Variants in SKA2 observed in about 807,000 individuals in gnomAD.
The protein encoded by SKA2 is spindle and kinetochore associated complex subunit 2.
Under a neutral mutation model 16.9 loss-of-function variants are expected in SKA2, and 13 were observed. That is an observed-to-expected ratio of 0.77 (90% CI 0.50 to 1.22). SKA2 has a LOEUF of 1.22. Among genes scored for constraint, SKA2 ranks in the 50% most tolerant of loss-of-function variants. The probability of loss-of-function intolerance (pLI) is 0.00; values close to 1 mark genes in which losing one functional copy is unlikely to be tolerated. For missense variants in SKA2, 107 were observed against 139.7 expected (o/e 0.77, Z 1.18); for synonymous variants, 47 against 48.5 (o/e 0.97, Z 0.13).
intron 1 of SKA2, among the ~76,000 whole-genome samples, chr17:59,146,911 T>C (rs2046536597): frequency 6.6e-6 from 1 of 152,184 alleles, no homozygotes; most frequent in Admixed American, 6.5e-5. Flanking sequence ...GCTCAAGCAA[T>C]CCTCTGTCTC....
rs1035379979 is a variant in SKA2 at position 59,110,105 on chromosome 17, A to G, written c.*2172T>C. 6 of 152,188 alleles carry G rather than the reference A, an allele frequency of 3.9e-5. No homozygotes were observed. The highest frequency in any genetic ancestry group is 8.8e-5 in the Non-Finnish European group (6 of 68,034). The allele number at this position is 152,188 out of a possible 1,614,324, so 9.4% of individuals were successfully genotyped here. A position where few individuals can be genotyped will look rare whatever the true frequency, so the allele number is the denominator to read the frequency against. ...TTTAACTTGAATATTCAGGTAGGGG[A>G]TTTTATTGGAAATACGGATCTAGAG... On this transcript the variant is annotated 3_prime_UTR_variant, in exon 4 of 4. Transcript: ENST00000330137.
At position 59,129,854 on chromosome 17, in the gene SKA2, A is replaced by G. The variant is rs573769642; in HGVS notation, c.120+1427T>C. ...TGGATAACAGAAGGAAGGGAAAGGA[A>G]GGGAAGGGAGGAAAGGGAGGGAGAA... On this transcript the variant is annotated intron_variant, in intron 2 of 3. Transcript: ENST00000330137. 4.8e-3 allele frequency among the ~76,000 whole-genome samples: 654 copies of G among 137,350 alleles called. 2 individuals are homozygous for G. Among genetic ancestry groups the G allele is most frequent in the Non-Finnish European group, 7.6e-3 (482 of 63,784 alleles). The allele number at this position is 137,350 out of a possible 152,430, so 90.1% of individuals were successfully genotyped here.
At position 59,110,272 on chromosome 17, in the gene SKA2, T is replaced by TA. The variant is rs1183400064; in HGVS notation, c.*2004dup. On this transcript the variant is annotated 3_prime_UTR_variant, in exon 4 of 4. Transcript: ENST00000330137. ...TTTGGAAGATAACTGAAGGAAATCA[T>TA]AGAGGAAAAATAGTACAATCTAATT... is the stretch of plus-strand genomic sequence containing the variant. The TA allele has an allele frequency of 2.0e-5, 3 of 152,196 alleles. No homozygotes were observed. The East Asian group carries it at 5.8e-4, about 29-fold the overall frequency. 9.4% of individuals were successfully genotyped at this position (152,196 alleles called of 1,614,324 possible).
At chr17:59,135,310 CTTTTTTTTTTTT>C (rs71145527) in intron 1 of SKA2, among the ~76,000 whole-genome samples, 53,854 of 126,348 alleles carry the variant, frequency 0.43, 10,981 homozygotes, top group African/African-American at 0.57. Flanking sequence ...ACTAAACTGT[CTTTTTTTTTTTT>C]TTTTTTTTTT....
At chr17:59,147,851 T>G (rs1404460984) in intron 1 of SKA2, among the ~76,000 whole-genome samples, 1 of 151,904 alleles carries the variant, frequency 6.6e-6, no homozygotes, top group Non-Finnish European at 1.5e-5. Flanking sequence ...AAAAAATTTT[T>G]TTTTTATTTG....
Position 59,110,865 on chromosome 17 carries a change from G to C in SKA2, c.*1412C>G, listed in dbSNP as rs1469934212. 1 of 149,820 alleles carries C rather than the reference G, an allele frequency of 6.7e-6. No individual in the cohort carries two copies. Among genetic ancestry groups the C allele is most frequent in the African/African-American group, 2.5e-5 (1 of 40,740 alleles). The allele number at this position is 149,820 out of a possible 1,614,324, so 9.3% of individuals were successfully genotyped here. A position where few individuals can be genotyped will look rare whatever the true frequency, so the allele number is the denominator to read the frequency against. ...AGACAGGACAATTTTAACTGAAGCT[G>C]TTCTCACAACCCTGTTTTTCAGCTA... On this transcript the variant is annotated 3_prime_UTR_variant, in exon 4 of 4. Transcript: ENST00000330137.
At chr17:59,116,373 A>C (rs780024895) in intron 3 of SKA2, among the ~76,000 whole-genome samples, 19 of 151,780 alleles carry the variant, frequency 1.3e-4, no homozygotes, top group African/African-American at 1.7e-4. Context: ...ACTCCGTCTC[A>C]AAAAACAAAC....
chr17:59,147,413 T>C (rs907994977), intron 1 of SKA2, among the ~76,000 whole-genome samples: 119 of 88,486 alleles, frequency 1.3e-3, no homozygotes, highest in African/African-American at 6.5e-3. Context: ...CACACACACA[T>C]TTGGAATAAA....
At chr17:59,124,961 G>A (rs1294182176) in intron 2 of SKA2, among the ~76,000 whole-genome samples, 1 of 150,540 alleles carries the variant, frequency 6.6e-6, no homozygotes, top group African/African-American at 2.4e-5. Context: ...TGGCTGTTGG[G>A]AACCACTACA....
At chr17:59,136,210 G>A (rs1488549183) in intron 1 of SKA2, among the ~76,000 whole-genome samples, 2 of 152,282 alleles carry the variant, frequency 1.3e-5, no homozygotes, top group East Asian at 3.9e-4. Context: ...ACCCAGGCTG[G>A]AGTGCAGTGG....
intron 3 of SKA2, among the ~76,000 whole-genome samples, chr17:59,114,378 T>C (rs2046283270): frequency 6.6e-6 from 1 of 152,168 alleles, no homozygotes; most frequent in African/African-American, 2.4e-5. Context: ...AGACTGTACT[T>C]ACACAAACAG....
At chr17:59,140,636 A>T (rs1183749406) in intron 1 of SKA2, among the ~76,000 whole-genome samples, 3 of 151,052 alleles carry the variant, frequency 2.0e-5, no homozygotes, top group Non-Finnish European at 4.4e-5. Flanking sequence ...TTTGAGATGG[A>T]GTCTTGCTCA....
intron 2 of SKA2, chr17:59,129,352 C>CGCACAT (rs2046393972): frequency 8.9e-6 from 1 of 112,002 alleles, no homozygotes; most frequent in South Asian, 3.4e-4. Context: ...CTATCTTAAA[C>CGCACAT]ACACATACAC....
chr17:59,131,121 T>G (rs2046408925), intron 2 of SKA2, among the ~76,000 whole-genome samples, 160 bp downstream of exon 2: 1 of 152,222 alleles, frequency 6.6e-6, no homozygotes, highest in Non-Finnish European at 1.5e-5. Flanking sequence ...ATTTCTCCAG[T>G]GTGCTATAAC....
In SKA2 at chr17:59,111,125, G is replaced by A. The variant is rs1302938757; in HGVS notation, c.*1152C>T. Reference sequence around the variant, plus strand: ...AAACATCCTGACACTCAAAAGTTAAGTGATCTGCACAGGGTCATAGCTAGA... The same window carrying A: ...AAACATCCTGACACTCAAAAGTTAAATGATCTGCACAGGGTCATAGCTAGA... On this transcript the variant is annotated 3_prime_UTR_variant, in exon 4 of 4. Transcript: ENST00000330137. The A allele has an allele frequency of 6.6e-6, 1 of 152,120 alleles. No individual in the cohort carries two copies. The highest frequency in any genetic ancestry group is 2.4e-5 in the African/African-American group (1 of 41,430). 9.4% of individuals were successfully genotyped at this position (152,120 alleles called of 1,614,324 possible).
At chr17:59,113,067 CTA>C (rs1330350175) in intron 3 of SKA2, among the ~76,000 whole-genome samples, 2 of 151,656 alleles carry the variant, frequency 1.3e-5, no homozygotes, top group Non-Finnish European at 2.9e-5. Flanking sequence ...AATTAGTACA[CTA>C]ATTTTTAGCT....
chr17:59,129,378 C>CACAT (rs1234084571), intron 2 of SKA2: 5 of 153,106 alleles, frequency 3.3e-5, no homozygotes, highest in Non-Finnish European at 5.8e-5. Flanking sequence ...CACACACACA[C>CACAT]ACACACACAC....
intron 3 of SKA2, among the ~76,000 whole-genome samples, chr17:59,113,658 T>C (rs2046277841): frequency 6.6e-6 from 1 of 151,692 alleles, no homozygotes; most frequent in African/African-American, 2.4e-5. Context: ...ACCTCATCTC[T>C]ACTAAAAATA....
intron 1 of SKA2, among the ~76,000 whole-genome samples, chr17:59,146,338 A>C (rs2046532074): frequency 1.3e-5 from 2 of 152,228 alleles, no homozygotes; most frequent in South Asian, 4.2e-4. Context: ...GTCACTACTA[A>C]AAATACAAAA....
Sources: allele counts gnomAD v4.1 joint callset (sites outside exome capture counted in the v4.1 genomes callset), GRCh38; gene constraint gnomAD v4.1.1; transcripts MANE v1.5; gene names NCBI Gene and HGNC (gene_info 2026-07-23, HGNC 2026-07-21).